ZFP64: variants seen among roughly 807,000 people sequenced by gnomAD.
ZFP64 encodes the protein ZFP64 zinc finger protein.
In ZFP64, 14 loss-of-function variants were observed where a neutral mutation model predicts 51.6. The observed-to-expected ratio is 0.27, with a 90% CI of 0.18 to 0.42. ZFP64 has a LOEUF of 0.42. Ranked by LOEUF, ZFP64 falls within the 10% of genes least tolerant of loss-of-function variation. The probability of loss-of-function intolerance (pLI) is 1.00; values close to 1 mark genes in which losing one functional copy is unlikely to be tolerated. For synonymous variants in ZFP64, 375 were observed against 361.4 expected, an observed-to-expected ratio of 1.04 and a Z score of -0.43; for missense variants, 754 against 906.8, an observed-to-expected ratio of 0.83 and a Z score of 2.16.
chr20:52,099,276 T>G (rs571602027), intron 5 of ZFP64, among the ~76,000 whole-genome samples: 27 of 151,730 alleles, frequency 1.8e-4, no homozygotes, highest in African/African-American at 6.3e-4. Flanking sequence ...AAGAGCCCAA[T>G]CATTAGATAC....
intron 2 of ZFP64, among the ~76,000 whole-genome samples, chr20:52,176,573 A>G (rs1226706349): frequency 6.7e-6 from 1 of 148,492 alleles, no homozygotes; most frequent in Non-Finnish European, 1.5e-5. Flanking sequence ...GCAGTGGCGC[A>G]ATCTCGGCTC....
In ZFP64 at chr20:52,191,655, C is replaced by A. The variant is rs377419852; in HGVS notation, c.-19G>T. 3.4e-4 allele frequency: 541 copies of A among 1,576,940 alleles called. No individual in the cohort carries two copies. The highest frequency in any genetic ancestry group is 4.2e-4 in the Non-Finnish European group (491 of 1,165,230). Reference sequence around the variant, plus strand: ...CGTTCATGGCCGCAGACTGGGAGGTCCCCGGCCGGCCGGGATGCCAAAGTG... The same window carrying A: ...CGTTCATGGCCGCAGACTGGGAGGTACCCGGCCGGCCGGGATGCCAAAGTG... On this transcript the variant is annotated 5_prime_UTR_variant, in exon 1 of 6. Transcript: ENST00000216923. This position sits in a 1 kb window ranked among gnomAD's most constrained non-coding sequence, Gnocchi z 4.3.
intron 2 of ZFP64, among the ~76,000 whole-genome samples, chr20:52,177,335 G>A (rs763253121): frequency 6.6e-5 from 10 of 152,126 alleles, no homozygotes; most frequent in Non-Finnish European, 1.2e-4. Flanking sequence ...CCCTGCGGAG[G>A]GGACTTGGGA....
At chr20:52,118,921 C>A (rs562440103) in intron 5 of ZFP64, among the ~76,000 whole-genome samples, 1 of 152,146 alleles carries the variant, frequency 6.6e-6, no homozygotes, top group African/African-American at 2.4e-5. Context: ...AGTGAATGGA[C>A]TGCTTCCGGC....
chr20:52,162,063 C>T (rs1981853305), intron 4 of ZFP64, among the ~76,000 whole-genome samples: 1 of 151,986 alleles, frequency 6.6e-6, no homozygotes, highest in South Asian at 2.1e-4. Flanking sequence ...TTTGGGAGGC[C>T]GAGGCAGGCA....
chr20:52,105,250 G>A (rs1408705952), intron 5 of ZFP64: 22 of 1,332,308 alleles, frequency 1.7e-5, no homozygotes, highest in Non-Finnish European at 2.0e-5. Flanking sequence ...CGCGAGGACC[G>A]GGCTCCCCGC....
intron 2 of ZFP64, chr20:52,175,912 A>G: frequency 2.1e-6 from 2 of 966,660 alleles, no homozygotes; most frequent in Non-Finnish European, 2.4e-6. Context: ...GAGAAAATCC[A>G]CCCCTTTCAC....
rs568166059 is a variant in ZFP64 at position 52,189,947 on chromosome 20, T to C, written c.46+1644A>G. ...TTTCCCAAGTTAAATGATACAAGAC[T>C]ACCTTTGTGCATATATGGTTAGATA... On this transcript the variant is annotated intron_variant, in intron 1 of 5. Transcript: ENST00000216923. Among the ~76,000 whole-genome samples the C allele has an allele frequency of 1.7e-4, 26 of 152,310 alleles. No homozygotes were observed. The South Asian group carries it at 5.0e-3, about 29-fold the overall frequency.
downstream of ZFP64, among the ~76,000 whole-genome samples, chr20:52,147,523 G>T (rs74817343): frequency 4.6e-3 from 696 of 152,142 alleles, 5 homozygotes; most frequent in African/African-American, 0.016. Flanking sequence ...AGGAAGAGAT[G>T]AAACAATCTG....
intron 5 of ZFP64, chr20:52,111,115 G>C: frequency 1.2e-6 from 1 of 821,866 alleles, no homozygotes. Context: ...CGCGGAGCGG[G>C]GCACGGCGGC....
intron 5 of ZFP64, among the ~76,000 whole-genome samples, chr20:52,112,627 T>C (rs1377794377): frequency 6.6e-6 from 1 of 151,694 alleles, no homozygotes; most frequent in Non-Finnish European, 1.5e-5. Context: ...TTTTTTTTTC[T>C]TTGTTGGGAC....
intron 5 of ZFP64, among the ~76,000 whole-genome samples, chr20:52,125,351 G>A (rs1197035402): frequency 6.6e-6 from 1 of 152,118 alleles, no homozygotes; most frequent in Non-Finnish European, 1.5e-5. Context: ...CAGAAAGTGA[G>A]GCAGGCCTGA....
downstream of ZFP64, chr20:52,151,196 G>A: frequency 3.8e-5 from 37 of 982,876 alleles, no homozygotes; most frequent in Non-Finnish European, 4.5e-5. Context: ...AACCTTTGCT[G>A]CTTCAGTTTG....
chr20:52,089,174 C>A, intron 7 of ZFP64: 1 of 372,576 alleles, frequency 2.7e-6, no homozygotes, highest in Non-Finnish European at 5.2e-6. Context: ...CATCACTACC[C>A]CCTAGCCCAA....
chr20:52,109,328 T>C (rs1191124832), intron 5 of ZFP64, among the ~76,000 whole-genome samples: 1 of 152,086 alleles, frequency 6.6e-6, no homozygotes, highest in East Asian at 1.9e-4. Context: ...CATGCCTGGC[T>C]AATTTTTGTA....
At chr20:52,134,682 C>T (rs1398842494) in intron 5 of ZFP64, among the ~76,000 whole-genome samples, 1 of 152,014 alleles carries the variant, frequency 6.6e-6, no homozygotes. Flanking sequence ...TAATCACATG[C>T]CGATAACAAC....
chr20:52,138,014 A>AAAATAAAT (rs199839575), intron 5 of ZFP64, among the ~76,000 whole-genome samples: 84 of 136,628 alleles, frequency 6.1e-4, no homozygotes, highest in South Asian at 1.6e-3. Context: ...CATCTTTACA[A>AAAATAAAT]AAATAAATAA....
chr20:52,171,009 T>A (rs1982672144), intron 2 of ZFP64, among the ~76,000 whole-genome samples: 1 of 152,168 alleles, frequency 6.6e-6, no homozygotes, highest in Non-Finnish European at 1.5e-5. Context: ...AGTGAGAAGG[T>A]AACATTTGAA....
exon 8 of ZFP64, chr20:52,088,574 A>G (rs770348818): frequency 6.2e-7 from 1 of 1,614,206 alleles, no homozygotes; most frequent in Non-Finnish European, 8.5e-7. Flanking sequence ...GTGGCACCGC[A>G]TGTGCATGGT....
Sources: gnomAD v4.1 joint callset for allele counts (sites outside exome capture counted in the v4.1 genomes callset) on GRCh38, gnomAD v4.1.1 for gene constraint, Gnocchi (gnomAD v3.1) non-coding constraint, MANE v1.5 for transcripts, NCBI Gene and HGNC (gene_info 2026-07-23, HGNC 2026-07-21) for gene names.